The following FHIT variants were observed in gnomAD, a reference collection of about 807,000 sequenced individuals.
The protein encoded by FHIT is fragile histidine triad diadenosine triphosphatase, also known as bis(5'-adenosyl)-triphosphatase.
Under a neutral mutation model 17.9 loss-of-function variants are expected in FHIT, and 19 were observed. That is an observed-to-expected ratio of 1.06 (90% confidence interval 0.74 to 1.56). The LOEUF (loss-of-function observed/expected upper bound fraction) is 1.56, where lower values mean the gene tolerates loss of function less well. Ranked by LOEUF, FHIT falls within the 40% of genes most tolerant of loss-of-function variation. FHIT has a pLI of 0.00. For synonymous variants in FHIT, 81 were observed against 69.7 expected, an observed-to-expected ratio of 1.16 and a Z score of -0.81; for missense variants, 248 against 189.2, an observed-to-expected ratio of 1.31 and a Z score of -1.82.
In FHIT at chr3:59,923,470, G is replaced by A. The variant is rs909421063; in HGVS notation, c.280-1056C>T. 5.9e-5 allele frequency among the ~76,000 whole-genome samples: 9 copies of A among 152,044 alleles called. 1 individual carries two copies. The highest frequency in any genetic ancestry group is 1.5e-5 in the Non-Finnish European group (1 of 68,026). On this transcript the variant is annotated intron_variant, in intron 7 of 9. Coordinates refer to ENST00000492590, the MANE Select transcript of FHIT (RefSeq NM_002012.4). ...CTAAAGCACCCAGGTAATATACATA[G>A]CAATGCTATTATGCAATGATGGTGA...
chr3:60,100,824 G>C (rs1357669071), intron 5 of FHIT, among the ~76,000 whole-genome samples: 1 of 146,530 alleles, frequency 6.8e-6, no homozygotes, highest in East Asian at 2.0e-4. Flanking sequence ...AATTAAAACA[G>C]AGACCAACAT....
intron 5 of FHIT, among the ~76,000 whole-genome samples, chr3:60,147,162 T>C (rs1419652633): frequency 6.6e-6 from 1 of 152,014 alleles, no homozygotes; most frequent in African/African-American, 2.4e-5. Context: ...CACAAAAGGG[T>C]ATTAATGAAT....
chr3:60,415,196 T>A (rs569981535), intron 5 of FHIT, among the ~76,000 whole-genome samples: 1 of 152,296 alleles, frequency 6.6e-6, no homozygotes, highest in Non-Finnish European at 1.5e-5. Flanking sequence ...TAGAGATAAT[T>A]GAAGTTTTAC....
intron 5 of FHIT, among the ~76,000 whole-genome samples, chr3:60,163,239 C>T (rs1576230548): frequency 6.6e-6 from 1 of 152,096 alleles, no homozygotes; most frequent in East Asian, 1.9e-4. Context: ...AGATTCAAGC[C>T]CAGTTGTATC....
At chr3:60,592,274 A>G (rs544606856) in intron 4 of FHIT, among the ~76,000 whole-genome samples, 1 of 148,302 alleles carries the variant, frequency 6.7e-6, no homozygotes, top group African/African-American at 2.5e-5. Flanking sequence ...CTCTCTATAT[A>G]TATATATATA....
chr3:60,591,778 A>G (rs548733278), intron 4 of FHIT, among the ~76,000 whole-genome samples: 3 of 152,166 alleles, frequency 2.0e-5, no homozygotes, highest in East Asian at 3.9e-4. Context: ...CCATACAGAA[A>G]TTATTCCGTT....
chr3:60,388,855 G>A (rs982884516), intron 5 of FHIT, among the ~76,000 whole-genome samples: 2 of 152,100 alleles, frequency 1.3e-5, no homozygotes, highest in African/African-American at 4.8e-5. Flanking sequence ...GTATCTAACA[G>A]ACAAGGAGGC....
chr3:61,038,702 T>C (rs2033369735), intron 3 of FHIT, among the ~76,000 whole-genome samples: 1 of 152,106 alleles, frequency 6.6e-6, no homozygotes, highest in African/African-American at 2.4e-5. Flanking sequence ...CAATTTGCTT[T>C]AAAATACTTC....
chr3:60,234,649 T>C (rs937141460), intron 5 of FHIT, among the ~76,000 whole-genome samples: 1 of 152,218 alleles, frequency 6.6e-6, no homozygotes, highest in Non-Finnish European at 1.5e-5. Flanking sequence ...TTTGATTTCC[T>C]TTCAGATGTT....
intron 2 of FHIT, among the ~76,000 whole-genome samples, chr3:61,083,116 G>T (rs910132202): frequency 6.6e-6 from 1 of 152,050 alleles, no homozygotes; most frequent in Non-Finnish European, 1.5e-5. Flanking sequence ...CCATTTTGAT[G>T]TACTCTAATA....
At chr3:60,369,443 G>T (rs770049728) in intron 5 of FHIT, among the ~76,000 whole-genome samples, 52 of 152,102 alleles carry the variant, frequency 3.4e-4, no homozygotes, top group African/African-American at 1.3e-3. Context: ...TCCAGTGACT[G>T]CTTGTTTTCT....
intron 4 of FHIT, among the ~76,000 whole-genome samples, chr3:60,648,141 G>A (rs1316817758): frequency 2.0e-5 from 3 of 152,084 alleles, no homozygotes; most frequent in Non-Finnish European, 4.4e-5. Flanking sequence ...GTCAGGGAGT[G>A]GGTAGAGGGA....
intron 5 of FHIT, among the ~76,000 whole-genome samples, chr3:60,295,917 G>T (rs184385617): frequency 6.6e-6 from 1 of 152,066 alleles, no homozygotes; most frequent in African/African-American, 2.4e-5. Context: ...TGATTCCCAC[G>T]TGTTGTGGGA....
At chr3:60,217,439 G>C (rs1703745308) in intron 5 of FHIT, among the ~76,000 whole-genome samples, 1 of 152,142 alleles carries the variant, frequency 6.6e-6, no homozygotes, top group African/African-American at 2.4e-5. Context: ...TGCTACACTG[G>C]TTTCTTAAAC....
intron 8 of FHIT, among the ~76,000 whole-genome samples, chr3:59,915,937 G>GGA (rs1553714841): frequency 3.5e-5 from 5 of 142,352 alleles, no homozygotes; most frequent in South Asian, 4.6e-4. Flanking sequence ...GTCTCTTAGG[G>GGA]AAAAAAAAAA....
chr3:60,131,280 A>G (rs1433390478), intron 5 of FHIT, among the ~76,000 whole-genome samples: 1 of 151,982 alleles, frequency 6.6e-6, no homozygotes, highest in African/African-American at 2.4e-5. Context: ...GTAATGCTAT[A>G]TAGTTATTCT....
chr3:60,142,173 T>C (rs57031814), intron 5 of FHIT, among the ~76,000 whole-genome samples: 7,506 of 152,218 alleles, frequency 0.049, 625 homozygotes, highest in African/African-American at 0.17. Context: ...AGCCAGCCTT[T>C]ATCAGCTCAA....
chr3:60,454,607 A>G (rs1290033524), intron 5 of FHIT, among the ~76,000 whole-genome samples: 2 of 151,944 alleles, frequency 1.3e-5, no homozygotes, highest in Non-Finnish European at 2.9e-5. Flanking sequence ...GATGGTCTCA[A>G]TCTCCTGACC....
intron 8 of FHIT, among the ~76,000 whole-genome samples, chr3:59,753,963 T>C (rs533456271): frequency 3.3e-5 from 5 of 152,162 alleles, no homozygotes; most frequent in South Asian, 2.1e-4. Context: ...GATTAAAATA[T>C]CGACTTTTTA....
Sources: gnomAD v4.1 joint callset for allele counts (sites outside exome capture counted in the v4.1 genomes callset) on GRCh38, gnomAD v4.1.1 for gene constraint, MANE v1.5 for transcripts, NCBI Gene and HGNC (gene_info 2026-07-23, HGNC 2026-07-21) for gene names.